Variants in ZBTB7C observed in about 807,000 individuals in gnomAD.
The protein encoded by ZBTB7C is zinc finger and BTB domain-containing protein 7C.
A neutral mutation model predicts 25.7 loss-of-function variants in ZBTB7C; 8 were observed. The observed-to-expected ratio is 0.31, with a 90% CI of 0.18 to 0.56. The LOEUF is 0.56. Among genes scored for constraint, ZBTB7C ranks in the 20% least tolerant of loss-of-function variants. ZBTB7C has a pLI of 0.91. For synonymous variants in ZBTB7C, 394 were observed against 369.0 expected (o/e 1.07, Z -0.78); for missense variants, 824 against 855.2 (o/e 0.96, Z 0.46).
chr18:48,037,592 C>G (rs76041639), intron 4 of ZBTB7C, among the ~76,000 whole-genome samples: 130 of 152,224 alleles, frequency 8.5e-4, no homozygotes, highest in African/African-American at 3.1e-3. Context: ...GAAGGCTGTG[C>G]GTGGGGAAGG....
intron 2 of ZBTB7C, among the ~76,000 whole-genome samples, chr18:48,257,120 TA>T (rs897453926): frequency 3.3e-5 from 5 of 151,812 alleles, no homozygotes; most frequent in Admixed American, 3.3e-4. Flanking sequence ...ACTTTAAATA[TA>T]AAAAAAGATG....
chr18:48,060,862 C>T (rs1312429227), intron 3 of ZBTB7C, among the ~76,000 whole-genome samples: 1 of 151,994 alleles, frequency 6.6e-6, no homozygotes, highest in South Asian at 2.1e-4. Flanking sequence ...CAGACCACAG[C>T]GGGTGCTGCA....
At chr18:48,043,411 A>G (rs2036339350) in intron 3 of ZBTB7C, among the ~76,000 whole-genome samples, 1 of 152,078 alleles carries the variant, frequency 6.6e-6, no homozygotes, top group Non-Finnish European at 1.5e-5. Flanking sequence ...AATAAAAAGG[A>G]GTGAATTCTC....
At chr18:48,339,561 CCGTA>C (rs964529375) in intron 1 of ZBTB7C, among the ~76,000 whole-genome samples, 7 of 152,138 alleles carry the variant, frequency 4.6e-5, no homozygotes, top group Admixed American at 6.5e-5. Flanking sequence ...AAAGATCACA[CCGTA>C]AGTAAATGAA....
chr18:48,162,195 C>T (rs1303244758), intron 3 of ZBTB7C, among the ~76,000 whole-genome samples: 1 of 152,216 alleles, frequency 6.6e-6, no homozygotes, highest in Non-Finnish European at 1.5e-5. Context: ...GTCCCCGAGG[C>T]GCAAACACCA....
chr18:48,219,519 TCA>T (rs1186893560), intron 2 of ZBTB7C, among the ~76,000 whole-genome samples: 1 of 152,162 alleles, frequency 6.6e-6, no homozygotes, highest in African/African-American at 2.4e-5. Context: ...CCTTCCCAGG[TCA>T]CACAGCCTGT....
At chr18:48,400,150 A>G (rs888265925) in intron 1 of ZBTB7C, among the ~76,000 whole-genome samples, 4 of 152,166 alleles carry the variant, frequency 2.6e-5, no homozygotes, top group Admixed American at 6.5e-5. Flanking sequence ...TTAAAAACTC[A>G]TGGTGATGGC....
chr18:48,229,973 C>T (rs1217042856), intron 2 of ZBTB7C, among the ~76,000 whole-genome samples: 2 of 152,216 alleles, frequency 1.3e-5, no homozygotes, highest in African/African-American at 2.4e-5. Context: ...CCACCCCCAC[C>T]TCCCTCCCTC....
At chr18:48,196,774 A>G (rs892145410) in intron 2 of ZBTB7C, among the ~76,000 whole-genome samples, 2 of 152,130 alleles carry the variant, frequency 1.3e-5, no homozygotes, top group African/African-American at 4.8e-5. Flanking sequence ...GAACCACCCA[A>G]CCGACCAACC....
rs764307456 is a variant in ZBTB7C, at chr18:48,040,122, T to G, written c.986A>C (p.Asn329Thr). Reference sequence around the variant, plus strand: ...GAAGTTGAGATAGGCACCGTAGTCGTTCTCCGCCTTGATGGGTCCCAGAGG... The same window carrying G: ...GAAGTTGAGATAGGCACCGTAGTCGGTCTCCGCCTTGATGGGTCCCAGAGG... ...GGPLGPIKAE[N>T]DYGAYLNFLS... Residue 329 changes from asparagine (N) to threonine (T), a missense_variant, in exon 4 of 5, where the codon AAC becomes ACC. Asn to Thr is a moderately conservative substitution (Grantham distance 65). Transcript: ENST00000590800. The G allele has an allele frequency of 1.3e-6, 2 of 1,596,472 alleles. No individual in the cohort carries two copies. Among genetic ancestry groups the G allele is most frequent in the Non-Finnish European group, 1.7e-6 (2 of 1,171,240 alleles).
chr18:48,407,914 G>A (rs2048318797), intron 1 of ZBTB7C, among the ~76,000 whole-genome samples: 1 of 152,094 alleles, frequency 6.6e-6, no homozygotes, highest in Non-Finnish European at 1.5e-5. Flanking sequence ...CTACCGAGGT[G>A]TTTCTACCTC....
At chr18:48,250,740 GCTGA>G (rs2043826151) in intron 2 of ZBTB7C, among the ~76,000 whole-genome samples, 1 of 151,138 alleles carries the variant, frequency 6.6e-6, no homozygotes, top group African/African-American at 2.4e-5. Flanking sequence ...CACCCACTCA[GCTGA>G]CTGTCAGTCA....
chr18:48,332,596 C>G (rs1440354518), intron 2 of ZBTB7C, among the ~76,000 whole-genome samples: 2 of 151,518 alleles, frequency 1.3e-5, no homozygotes, highest in African/African-American at 2.4e-5. Context: ...AAGATGCTCT[C>G]CTACCATTCA....
At chr18:48,350,611 A>G (rs1243401907) in intron 1 of ZBTB7C, 1 of 152,226 alleles carries the variant, frequency 6.6e-6, no homozygotes, top group Admixed American at 6.5e-5. Context: ...AATAACAAAT[A>G]CATTCACATT....
intron 1 of ZBTB7C, among the ~76,000 whole-genome samples, chr18:48,398,179 A>G (rs180700894): frequency 2.4e-4 from 37 of 152,360 alleles, no homozygotes; most frequent in African/African-American, 8.7e-4. Context: ...AGCTGTGTAC[A>G]CACAGGGACA....
chr18:48,253,551 T>C (rs1448456638), intron 2 of ZBTB7C, among the ~76,000 whole-genome samples: 3 of 152,146 alleles, frequency 2.0e-5, no homozygotes, highest in Non-Finnish European at 2.9e-5. Context: ...ACTGAGGCAC[T>C]AGCATTCTTC....
At chr18:48,394,859 G>C (rs1361258550) in intron 1 of ZBTB7C, among the ~76,000 whole-genome samples, 1 of 152,178 alleles carries the variant, frequency 6.6e-6, no homozygotes, top group Non-Finnish European at 1.5e-5. Context: ...TCTTGGCAGA[G>C]ACTGAAGATG....
At chr18:48,110,109 TG>T (rs553499836) in intron 3 of ZBTB7C, among the ~76,000 whole-genome samples, 52 of 152,264 alleles carry the variant, frequency 3.4e-4, no homozygotes, top group African/African-American at 1.2e-3. Flanking sequence ...GAATTTATGG[TG>T]ATGATGATTA....
intron 3 of ZBTB7C, among the ~76,000 whole-genome samples, chr18:48,075,364 G>T (rs189040894): frequency 2.7e-4 from 41 of 152,322 alleles, no homozygotes; most frequent in Middle Eastern, 3.4e-3. Flanking sequence ...GGCTGGTGAT[G>T]CGACAAAGGG....
Sources: allele counts gnomAD v4.1 joint callset (sites outside exome capture counted in the v4.1 genomes callset), GRCh38; gene constraint gnomAD v4.1.1; transcripts MANE v1.5; gene names NCBI Gene and HGNC (gene_info 2026-07-23, HGNC 2026-07-21).